The following PFKP variants were observed in gnomAD, a reference collection of about 807,000 sequenced individuals.
The protein encoded by PFKP is phosphofructokinase, platelet, also known as ATP-dependent 6-phosphofructokinase, platelet type.
Under a neutral mutation model 94.3 loss-of-function variants are expected in PFKP, and 101 were observed. The observed-to-expected ratio is 1.07, with a 90% CI of 0.91 to 1.26. The LOEUF (loss-of-function observed/expected upper bound fraction) is 1.26, where lower values mean the gene tolerates loss of function less well. Ranked by LOEUF, PFKP falls within the 50% of genes most tolerant of loss-of-function variation. The pLI is 0.00. For missense variants in PFKP, 1,145 were observed against 1,103.3 expected (o/e 1.04, Z -0.53); for synonymous variants, 573 against 432.6 (o/e 1.32, Z -4.03).
At chr10:3,105,296 C>T (rs1156629799) in intron 6 of PFKP, 97 bp from the exon 7 acceptor site, 16 of 1,297,742 alleles carry the variant, frequency 1.2e-5, no homozygotes, top group East Asian at 2.3e-5. Flanking sequence ...TCATACCTGG[C>T]GTTAGGTCTG....
chr10:3,068,561 A>G (rs1831915449), intron 1 of PFKP: 7 of 533,238 alleles, frequency 1.3e-5, no homozygotes, highest in Non-Finnish European at 1.7e-5. Flanking sequence ...CTGCCCTGCA[A>G]TGTGGAAGCT....
intron 2 of PFKP, among the ~76,000 whole-genome samples, chr10:3,096,294 C>T (rs1285574523): frequency 1.3e-5 from 2 of 152,178 alleles, no homozygotes; most frequent in Non-Finnish European, 2.9e-5. Context: ...GGGCCTGAGA[C>T]GGCCTCAGGA....
At chr10:3,112,898 C>A (rs897357644) in intron 11 of PFKP, among the ~76,000 whole-genome samples, 1 of 152,226 alleles carries the variant, frequency 6.6e-6, no homozygotes, top group African/African-American at 2.4e-5. Flanking sequence ...AGTGTAGAAG[C>A]GTGCCCTTTT....
chr10:3,123,757 G>A (rs181350565), intron 16 of PFKP, among the ~76,000 whole-genome samples: 9 of 152,382 alleles, frequency 5.9e-5, no homozygotes, highest in African/African-American at 1.7e-4. Context: ...GCCAGCCAGT[G>A]CCCCGACATG....
At chr10:3,077,163 G>A (rs1342872041) in intron 1 of PFKP, among the ~76,000 whole-genome samples, 3 of 152,074 alleles carry the variant, frequency 2.0e-5, no homozygotes, top group Non-Finnish European at 4.4e-5. Context: ...GTGAGAGAGG[G>A]CGAGGCAGGG....
intron 2 of PFKP, among the ~76,000 whole-genome samples, chr10:3,092,158 A>G (rs1406633461): frequency 6.6e-6 from 1 of 151,768 alleles, no homozygotes; most frequent in Non-Finnish European, 1.5e-5. Context: ...GCCCCCGGTC[A>G]GCAGCCCTGT....
intron 8 of PFKP, 80 bp from the exon 9 acceptor site, chr10:3,108,621 A>G: frequency 9.8e-7 from 1 of 1,019,514 alleles, no homozygotes; most frequent in Non-Finnish European, 1.5e-6. Flanking sequence ...AACCTTTTCC[A>G]GTGCCCAGTA....
rs1314973731 is a variant in PFKP, at chr10:3,109,466, G to A, written c.1075G>A (p.Glu359Lys). ...GNHAVRLPLM[E>K]CVQMTQDVQK... Reference sequence around the variant, plus strand: ...CCACGCCGTGCGCCTGCCGCTGATGGAGTGCGTGCAGATGGTGAGTGGGCA... The same window carrying A: ...CCACGCCGTGCGCCTGCCGCTGATGAAGTGCGTGCAGATGGTGAGTGGGCA... The change falls in exon 10 of 22, where the codon GAG becomes AAG. Residue 359 changes from glutamate to lysine, a missense_variant. This residue lies in a region of PFKP where 1,119 missense variants were observed against 1,062.8 expected (regional missense o/e 1.05). Transcript: ENST00000381125. The A allele has an allele frequency of 6.2e-7, 1 of 1,605,594 alleles. No homozygotes were observed. Among genetic ancestry groups the A allele is most frequent in the South Asian group, 1.1e-5 (1 of 91,004 alleles).
At chr10:3,069,378 G>T (rs1359616365) in intron 1 of PFKP, 1 of 1,589,092 alleles carries the variant, frequency 6.3e-7, no homozygotes, top group Admixed American at 1.8e-5. Flanking sequence ...AAACCGGCCC[G>T]GAGATGTGCG....
At chr10:3,119,497 C>T (rs1045095071) in intron 15 of PFKP, among the ~76,000 whole-genome samples, 34 of 151,900 alleles carry the variant, frequency 2.2e-4, no homozygotes, top group Admixed American at 6.6e-5. Context: ...CCCAGCTACC[C>T]GGGAGGCTGA....
intron 1 of PFKP, among the ~76,000 whole-genome samples, chr10:3,075,924 A>T (rs1388489913): frequency 7.1e-6 from 1 of 140,160 alleles, no homozygotes; most frequent in East Asian, 2.2e-4. Flanking sequence ...AAAAAAAAAA[A>T]GTAGTGAACC....
rs1034397782 is a variant in PFKP at position 3,120,036 on chromosome 10, A to G, written c.1675A>G (p.Ile559Val). 3 of 1,613,864 alleles carry G rather than the reference A, an allele frequency of 1.9e-6. No individual in the cohort carries two copies. Among genetic ancestry groups the G allele is most frequent in the African/African-American group, 1.3e-5 (1 of 74,918 alleles). Reference protein sequence around the residue: ...SIGADTALNTITDTCDRIKQS... With the variant: ...SIGADTALNTVTDTCDRIKQS... ...CGGGGCAGACACCGCCCTGAACACTATCACCGACGTAAGTCCGTGTGCGCC... is the reference window on the plus strand; with the variant it reads ...CGGGGCAGACACCGCCCTGAACACTGTCACCGACGTAAGTCCGTGTGCGCC... The change falls in exon 16 of 22, where the codon ATC becomes GTC. Residue 559 changes from isoleucine (I) to valine (V), a missense_variant. Ile to Val is a conservative substitution (Grantham distance 29, BLOSUM62 3). This residue lies in a region of PFKP where 1,119 missense variants were observed against 1,062.8 expected (regional missense o/e 1.05). Coordinates refer to ENST00000381125, the MANE Select transcript of PFKP (RefSeq NM_002627.5).
intron 2 of PFKP, among the ~76,000 whole-genome samples, chr10:3,089,054 C>G (rs1472175559): frequency 1.3e-5 from 2 of 152,188 alleles, no homozygotes; most frequent in Admixed American, 6.5e-5. Context: ...GCCTCAGCCT[C>G]CTGAGTAGCT....
chr10:3,095,738 T>C (rs1834428960), intron 2 of PFKP, among the ~76,000 whole-genome samples: 1 of 152,230 alleles, frequency 6.6e-6, no homozygotes, highest in Non-Finnish European at 1.5e-5. Context: ...ATTTCTACGT[T>C]GTAGTACGTT....
At chr10:3,093,847 G>C (rs911974998) in intron 2 of PFKP, among the ~76,000 whole-genome samples, 3 of 152,084 alleles carry the variant, frequency 2.0e-5, no homozygotes, top group Admixed American at 6.5e-5. Flanking sequence ...GTTTCACCGT[G>C]TTAGCCAGGA....
At chr10:3,074,781 T>A (rs1352632015) in intron 1 of PFKP, among the ~76,000 whole-genome samples, 1 of 152,074 alleles carries the variant, frequency 6.6e-6, no homozygotes, top group Non-Finnish European at 1.5e-5. Flanking sequence ...AAACTATCAA[T>A]AGGAGATTAA....
rs188633039 is a variant in PFKP, at chr10:3,133,326, A to G, written c.2022+12A>G. 152 of 1,542,706 alleles carry G rather than the reference A, an allele frequency of 9.9e-5. No individual in the cohort carries two copies. The highest frequency in any genetic ancestry group is 8.8e-4 in the African/African-American group (65 of 73,646). On this transcript the variant is annotated intron_variant, in intron 19 of 21. Coordinates refer to ENST00000381125, the MANE Select transcript of PFKP (RefSeq NM_002627.5). ...GTCACATGCAGCAGGTAGGCCCGAG[A>G]CTGCATGAGGGGCCACAAAGCCCCT...
chr10:3,076,017 C>CAA (rs59102828), intron 1 of PFKP, among the ~76,000 whole-genome samples: 1,043 of 59,944 alleles, frequency 0.017, 43 homozygotes, highest in African/African-American at 0.05. Flanking sequence ...GACTCCGTCT[C>CAA]AAAAAAAAAA....
chr10:3,116,566 G>A (rs1221324043), intron 13 of PFKP, among the ~76,000 whole-genome samples: 2 of 152,168 alleles, frequency 1.3e-5, no homozygotes, highest in Non-Finnish European at 2.9e-5. Flanking sequence ...GGAGAACGCA[G>A]CCCCTCTGCT....
Sources: allele counts gnomAD v4.1 joint callset (sites outside exome capture counted in the v4.1 genomes callset), GRCh38; gene constraint gnomAD v4.1.1; regional missense constraint gnomAD v4.1.1; transcripts MANE v1.5; gene names NCBI Gene and HGNC (gene_info 2026-07-23, HGNC 2026-07-21).